Variants in TXK observed in about 807,000 individuals in gnomAD.
The protein encoded by TXK is TXK tyrosine kinase, also known as tyrosine-protein kinase TXK.
Under a neutral mutation model 81.0 loss-of-function variants are expected in TXK, and 60 were observed. The observed-to-expected ratio is 0.74, with a 90% confidence interval of 0.60 to 0.92. The LOEUF (loss-of-function observed/expected upper bound fraction) is 0.92. TXK is among the 40% of genes least tolerant of loss of function. TXK has a pLI of 0.00. For synonymous variants in TXK, 203 were observed against 210.7 expected (o/e 0.96, Z 0.32); for missense variants, 581 against 638.3 (o/e 0.91, Z 0.97).
intron 14 of TXK, 91 bp downstream of exon 14, chr4:48,071,426 T>A (rs1716849114): frequency 7.6e-7 from 1 of 1,323,034 alleles, no homozygotes; most frequent in Admixed American, 2.2e-5. Context: ...TTTCCTGCCA[T>A]GACAGAGTTC....
At position 48,095,229 on chromosome 4, in the gene TXK, A is replaced by G. The variant is rs1188623412; in HGVS notation, c.502-7T>C. ...TAAATGCACCTTCTTTAGACTGCAAAAAAAATCATTTATTGAATAAGTCTA... is the reference window on the plus strand; with the variant it reads ...TAAATGCACCTTCTTTAGACTGCAAGAAAAATCATTTATTGAATAAGTCTA... On this transcript the variant is annotated splice_polypyrimidine_tract_variant and splice_region_variant and intron_variant, in intron 6 of 14. Transcript: ENST00000264316. The G allele has an allele frequency of 6.2e-7, 1 of 1,607,356 alleles. No individual in the cohort carries two copies. The highest frequency in any genetic ancestry group is 1.3e-5 in the African/African-American group (1 of 74,642).
Position 48,130,536 on chromosome 4 carries a change from A to G in TXK, c.16+3619T>C, listed in dbSNP as rs145633671. ...CGAGATCGCAGGAATGGGAGCCGCC[A>G]CCTCTGTAACCTGGTCTCAGAGGTG... is the stretch of plus-strand genomic sequence containing the variant. On this transcript the variant is annotated intron_variant, in intron 1 of 14. Coordinates refer to ENST00000264316, the MANE Select transcript of TXK (RefSeq NM_003328.3). Among the ~76,000 whole-genome samples, 432 of 152,196 alleles carry G rather than the reference A, an allele frequency of 2.8e-3. 4 individuals are homozygous for G. The highest frequency in any genetic ancestry group is 0.01 in the African/African-American group (417 of 41,532).
intron 7 of TXK, 44 bp from the exon 8 acceptor site, chr4:48,094,248 A>C: frequency 6.2e-7 from 1 of 1,604,050 alleles, no homozygotes; most frequent in African/African-American, 1.3e-5. Context: ...TGAAAGATCA[A>C]TTTGGATCTA....
chr4:48,112,629 C>A (rs1718672437), intron 3 of TXK, 117 bp from the exon 4 acceptor site: 1 of 1,035,470 alleles, frequency 9.7e-7, no homozygotes, highest in Non-Finnish European at 1.4e-6. Flanking sequence ...TACACCAAGG[C>A]AGAAGCCAGG....
At chr4:48,074,150 G>T in intron 12 of TXK, 97 bp from the exon 13 acceptor site, 1 of 909,968 alleles carries the variant, frequency 1.1e-6, no homozygotes, top group Non-Finnish European at 1.7e-6. Flanking sequence ...AAAAGACAAA[G>T]TATTTTACCC....
At chr4:48,129,165 C>T (rs1207064815) in intron 1 of TXK, among the ~76,000 whole-genome samples, 2 of 152,140 alleles carry the variant, frequency 1.3e-5, no homozygotes, top group Middle Eastern at 3.4e-3. Context: ...GAGTTTATGC[C>T]CTTTATACAT....
At chr4:48,107,940 G>T (rs1377448012) in intron 5 of TXK, among the ~76,000 whole-genome samples, 1 of 148,960 alleles carries the variant, frequency 6.7e-6, no homozygotes, top group Non-Finnish European at 1.5e-5. Flanking sequence ...GCGTGGTGGC[G>T]GGCGCCTGTA....
chr4:48,125,445 C>T (rs1048860776), intron 1 of TXK, among the ~76,000 whole-genome samples: 5 of 152,180 alleles, frequency 3.3e-5, no homozygotes, highest in African/African-American at 7.2e-5. Context: ...GCTTAGTAAA[C>T]GAAAGCGAAT....
intron 10 of TXK, among the ~76,000 whole-genome samples, chr4:48,084,925 C>A (rs1443153012): frequency 1.8e-5 from 1 of 54,828 alleles, no homozygotes; most frequent in Non-Finnish European, 4.8e-5. Flanking sequence ...CAGTTAATCA[C>A]CTCTGATTGT....
At chr4:48,107,078 T>C (rs1429124425) in intron 5 of TXK, among the ~76,000 whole-genome samples, 2 of 151,732 alleles carry the variant, frequency 1.3e-5, no homozygotes, top group African/African-American at 4.8e-5. Context: ...TTTATTCAGT[T>C]TATTAATGCA....
intron 6 of TXK, among the ~76,000 whole-genome samples, chr4:48,101,113 C>T (rs569842354): frequency 1.7e-3 from 262 of 151,730 alleles, no homozygotes; most frequent in African/African-American, 4.6e-3. Flanking sequence ...CAAAATCTTT[C>T]GATTTTGAAC....
At chr4:48,085,613 A>G (rs1379819363) in intron 10 of TXK, among the ~76,000 whole-genome samples, 3 of 152,100 alleles carry the variant, frequency 2.0e-5, no homozygotes, top group Non-Finnish European at 4.4e-5. Flanking sequence ...CCTTTCCAAG[A>G]CTGCTCTAGC....
chr4:48,088,336 A>T (rs755134266), intron 9 of TXK, among the ~76,000 whole-genome samples: 10 of 152,252 alleles, frequency 6.6e-5, no homozygotes, highest in Non-Finnish European at 8.8e-5. Context: ...GCTGGAATGT[A>T]AATGTGCACT....
chr4:48,115,712 A>C (rs748088151), intron 1 of TXK, among the ~76,000 whole-genome samples: 3 of 152,004 alleles, frequency 2.0e-5, no homozygotes, highest in Non-Finnish European at 4.4e-5. Context: ...AAAATTAGCC[A>C]GGCATGGTGG....
rs760276933 is a variant in TXK, at chr4:48,089,234, C to T, written c.784+516G>A. On this transcript the variant is annotated intron_variant, in intron 9 of 14. Coordinates refer to ENST00000264316, the MANE Select transcript of TXK (RefSeq NM_003328.3). Reference sequence around the variant, plus strand: ...TGTAACAGTGAAATCTGAAGTCAAACGGAAGCATTTCTCCCCAAAGTTTAA... The same window carrying T: ...TGTAACAGTGAAATCTGAAGTCAAATGGAAGCATTTCTCCCCAAAGTTTAA... 6.2e-4 allele frequency among the ~76,000 whole-genome samples: 95 copies of T among 152,238 alleles called. 2 individuals are homozygous for T. Among genetic ancestry groups the T allele is most frequent in the Admixed American group, 2.0e-3 (31 of 15,298 alleles).
rs1456891902 is a variant in TXK at position 48,104,280 on chromosome 4, AAT to A, written c.501+619_501+620del. 1.5e-3 allele frequency among the ~76,000 whole-genome samples: 7 copies of A among 4,562 alleles called. 3 individuals are homozygous for A. The highest frequency in any genetic ancestry group is 2.3e-3 in the Non-Finnish European group (7 of 3,058). 3.0% of individuals were successfully genotyped at this position (4,562 alleles called of 152,430 possible). A position where few individuals can be genotyped will look rare whatever the true frequency, so the allele number is the denominator to read the frequency against. ...ATATATAATATATAATATAATATAT[AAT>A]ATATATAATATATAATATAATATAT... On this transcript the variant is annotated intron_variant, in intron 6 of 14. Transcript: ENST00000264316.
Position 48,086,423 on chromosome 4 carries a change from CA to C in TXK, c.956+42del, listed in dbSNP as rs369562230. On this transcript the variant is annotated intron_variant, in intron 10 of 14. Transcript: ENST00000264316. The stretch of plus-strand genomic sequence containing the variant: ...AAAGCTCATGTTGTTTCCATGACAC[CA>C]GGGCATGGTATGATATTTATCAGGG... The C allele has an allele frequency of 4.0e-3, 6,427 of 1,598,758 alleles. 18 individuals are homozygous for C. The highest frequency in any genetic ancestry group is 4.6e-3 in the Non-Finnish European group (5,400 of 1,168,062).
intron 1 of TXK, among the ~76,000 whole-genome samples, chr4:48,130,999 G>C (rs1015762133): frequency 1.3e-5 from 2 of 152,186 alleles, no homozygotes; most frequent in Middle Eastern, 3.4e-3. Flanking sequence ...AGGCAAACAG[G>C]GGAGCTAAGA....
chr4:48,080,120 G>GATA lies in TXK; in HGVS notation c.962_964dup (p.Leu321dup). 1 of 1,611,864 alleles carries GATA rather than the reference G, an allele frequency of 6.2e-7. No individual in the cohort carries two copies. Among genetic ancestry groups the GATA allele is most frequent in the South Asian group, 1.1e-5 (1 of 91,034 alleles). ...ATAAAGTTGCACTAGCTTTGAATGAGATAATTTCCTGGTGAAGAAAAACAT... is the reference window on the plus strand; with the variant it reads ...ATAAAGTTGCACTAGCTTTGAATGAGATAATAATTTCCTGGTGAAGAAAAACAT... On this transcript the variant is annotated inframe_insertion, in exon 11 of 15. Coordinates refer to ENST00000264316, the MANE Select transcript of TXK (RefSeq NM_003328.3).
Sources: allele counts gnomAD v4.1 joint callset (sites outside exome capture counted in the v4.1 genomes callset), GRCh38; gene constraint gnomAD v4.1.1; transcripts MANE v1.5; gene names NCBI Gene and HGNC (gene_info 2026-07-23, HGNC 2026-07-21).